The following NOS1AP variants were observed in gnomAD, a reference collection of about 807,000 sequenced individuals.
NOS1AP encodes carboxyl-terminal PDZ ligand of neuronal nitric oxide synthase protein.
NOS1AP carries 21 observed loss-of-function variants against 56.2 expected under a neutral mutation model. That is an observed-to-expected ratio of 0.37 (90% confidence interval 0.26 to 0.54). The LOEUF (loss-of-function observed/expected upper bound fraction) is 0.54. Among genes scored for constraint, NOS1AP ranks in the 20% least tolerant of loss-of-function variants. NOS1AP has a pLI of 0.84. For missense variants in NOS1AP, 522 were observed against 657.8 expected (o/e 0.79, Z 2.26); for synonymous variants, 270 against 274.6 (o/e 0.98, Z 0.17).
chr1:162,321,731 A>AT (rs1553205807), intron 4 of NOS1AP, among the ~76,000 whole-genome samples: 2,738 of 128,402 alleles, frequency 0.021, 81 homozygotes, highest in African/African-American at 0.055. Flanking sequence ...AAAAAAAAAA[A>AT]ATATATATAT....
chr1:162,180,682 G>A (rs539325796), intron 2 of NOS1AP, among the ~76,000 whole-genome samples: 30 of 152,280 alleles, frequency 2.0e-4, no homozygotes, highest in African/African-American at 7.0e-4. Flanking sequence ...CAAGAAAGTG[G>A]AGCCTCAGTC....
chr1:162,339,469 T>A (rs1276524147), intron 5 of NOS1AP, among the ~76,000 whole-genome samples: 1 of 152,138 alleles, frequency 6.6e-6, no homozygotes, highest in Non-Finnish European at 1.5e-5. Context: ...GGCTGCTTTC[T>A]CAAGGTTCCA....
intron 1 of NOS1AP, among the ~76,000 whole-genome samples, chr1:162,120,777 G>T (rs1192785447): frequency 6.6e-6 from 1 of 152,172 alleles, no homozygotes; most frequent in Non-Finnish European, 1.5e-5. Context: ...GATTTGGGTG[G>T]AGACACAGCC....
intron 1 of NOS1AP, among the ~76,000 whole-genome samples, chr1:162,096,958 A>G (rs1692258034): frequency 6.6e-6 from 1 of 152,094 alleles, no homozygotes; most frequent in Admixed American, 6.6e-5. Context: ...CTAATTGTGG[A>G]ATTGTAGGAC....
chr1:162,247,693 TC>T (rs58094158), intron 2 of NOS1AP, among the ~76,000 whole-genome samples: 1 of 151,802 alleles, frequency 6.6e-6, no homozygotes, highest in African/African-American at 2.4e-5. Flanking sequence ...TTTTGTCCCG[TC>T]CCCCCCACAT....
intron 1 of NOS1AP, among the ~76,000 whole-genome samples, chr1:162,102,387 G>A (rs1647321097): frequency 6.6e-6 from 1 of 152,184 alleles, no homozygotes; most frequent in African/African-American, 2.4e-5. Context: ...TGTTCATCAA[G>A]GATATTGGCC....
At chr1:162,342,851 A>G (rs1458616061) in intron 5 of NOS1AP, among the ~76,000 whole-genome samples, 2 of 152,204 alleles carry the variant, frequency 1.3e-5, no homozygotes, top group Non-Finnish European at 2.9e-5. Context: ...ACTTGAGTAT[A>G]GGGTGACAAT....
chr1:162,129,042 A>T (rs1648624070), intron 1 of NOS1AP, among the ~76,000 whole-genome samples: 1 of 152,128 alleles, frequency 6.6e-6, no homozygotes, highest in Non-Finnish European at 1.5e-5. Context: ...TTGAAGTAAT[A>T]CATTGTTGTA....
chr1:162,079,057 A>G (rs1314067681), intron 1 of NOS1AP, among the ~76,000 whole-genome samples: 3 of 152,160 alleles, frequency 2.0e-5, no homozygotes, highest in East Asian at 1.9e-4. Context: ...GGGTCACCCA[A>G]TGGTGAGAGG....
chr1:162,315,567 G>A (rs1656201692), intron 4 of NOS1AP, among the ~76,000 whole-genome samples: 1 of 152,164 alleles, frequency 6.6e-6, no homozygotes. Context: ...AGGTCCAGAG[G>A]GTTAAGCACA....
intron 2 of NOS1AP, among the ~76,000 whole-genome samples, chr1:162,273,506 G>A (rs1654649587): frequency 6.6e-6 from 1 of 152,074 alleles, no homozygotes; most frequent in African/African-American, 2.4e-5. Flanking sequence ...GTTCAGAATT[G>A]TCTCTGTGCT....
At chr1:162,237,801 CG>C (rs1557844031) in intron 2 of NOS1AP, among the ~76,000 whole-genome samples, 1 of 152,148 alleles carries the variant, frequency 6.6e-6, no homozygotes, top group Non-Finnish European at 1.5e-5. Context: ...TTGAAAAAGT[CG>C]TGTGCTCTAC....
At chr1:162,212,446 T>C (rs371274933) in intron 2 of NOS1AP, among the ~76,000 whole-genome samples, 2 of 152,154 alleles carry the variant, frequency 1.3e-5, no homozygotes, top group South Asian at 2.1e-4. Flanking sequence ...CTATTTACTC[T>C]CCCCATCACA....
rs1358361308 is a variant in NOS1AP at position 162,082,956 on chromosome 1, G to A, written c.105+12674G>A. Among the ~76,000 whole-genome samples the A allele has an allele frequency of 3.2e-3, 2 of 630 alleles. 1 individual carries two copies. The highest frequency in any genetic ancestry group is 3.2e-3 in the African/African-American group (2 of 616). 0.4% of individuals were successfully genotyped at this position (630 alleles called of 152,430 possible). ...CTGTCGCCCAGGCTGGAGTGCAGTGGCGGGATCTCGGCTCACTGCAAGCTC... is the reference window on the plus strand; with the variant it reads ...CTGTCGCCCAGGCTGGAGTGCAGTGACGGGATCTCGGCTCACTGCAAGCTC... On this transcript the variant is annotated intron_variant, in intron 1 of 9. Coordinates refer to ENST00000361897, the MANE Select transcript of NOS1AP (RefSeq NM_014697.3).
At chr1:162,362,601 A>G (rs545521781) in intron 8 of NOS1AP, among the ~76,000 whole-genome samples, 11 of 152,242 alleles carry the variant, frequency 7.2e-5, no homozygotes, top group Non-Finnish European at 1.5e-4. Context: ...ACTTTGTTCC[A>G]CATTTCTCTC....
At chr1:162,255,343 C>G (rs1300814576) in intron 2 of NOS1AP, among the ~76,000 whole-genome samples, 1 of 152,240 alleles carries the variant, frequency 6.6e-6, no homozygotes, top group East Asian at 1.9e-4. Context: ...TTTCAGCTGG[C>G]CCTGGCCAAA....
intron 1 of NOS1AP, among the ~76,000 whole-genome samples, chr1:162,122,827 C>T (rs1315498263): frequency 3.9e-5 from 6 of 151,962 alleles, no homozygotes; most frequent in East Asian, 1.9e-4. Context: ...TTACAACTGA[C>T]GTTACAGGAT....
chr1:162,125,558 T>C (rs534783673), intron 1 of NOS1AP, among the ~76,000 whole-genome samples: 1 of 152,318 alleles, frequency 6.6e-6, no homozygotes, highest in East Asian at 1.9e-4. Flanking sequence ...TGTTTTTGTA[T>C]GTTTTGTTGA....
chr1:162,281,317 TGTGA>T (rs1654917477), intron 2 of NOS1AP, among the ~76,000 whole-genome samples: 2 of 152,236 alleles, frequency 1.3e-5, no homozygotes, highest in Non-Finnish European at 2.9e-5. Context: ...TCTTGGGCTC[TGTGA>T]ATAACCACTG....
Sources: gnomAD v4.1 joint callset for allele counts (sites outside exome capture counted in the v4.1 genomes callset) on GRCh38, gnomAD v4.1.1 for gene constraint, MANE v1.5 for transcripts, NCBI Gene and HGNC (gene_info 2026-07-23, HGNC 2026-07-21) for gene names.